The following RSRC1 variants were observed in gnomAD, a reference collection of about 807,000 sequenced individuals.
The protein encoded by RSRC1 is arginine and serine rich coiled-coil 1, also known as serine/Arginine-related protein 53.
In RSRC1, 39 loss-of-function variants were observed where a neutral mutation model predicts 49.1. The ratio of observed to expected loss-of-function variants is 0.79; its 90% confidence interval spans 0.61 to 1.04. The LOEUF (loss-of-function observed/expected upper bound fraction) is 1.04. Among genes scored for constraint, RSRC1 ranks in the 50% least tolerant of loss-of-function variants. RSRC1 has a pLI of 0.00. For missense variants in RSRC1, 388 were observed against 402.4 expected, an observed-to-expected ratio of 0.96 and a Z score of 0.31; for synonymous variants, 143 against 130.8, an observed-to-expected ratio of 1.09 and a Z score of -0.63.
At chr3:158,113,612 C>A (rs1040556926) in intron 1 of RSRC1, among the ~76,000 whole-genome samples, 1 of 152,024 alleles carries the variant, frequency 6.6e-6, no homozygotes, top group Non-Finnish European at 1.5e-5. Flanking sequence ...CGTGATCCAC[C>A]CCCCTCAGCC....
chr3:158,132,239 G>T (rs1242728482), intron 3 of RSRC1: 12 of 359,112 alleles, frequency 3.3e-5, no homozygotes, highest in South Asian at 2.6e-4. Flanking sequence ...CCCTGCCTTG[G>T]CCTCACTAAG....
At chr3:158,423,667 C>G (rs1177577156) in intron 6 of RSRC1, among the ~76,000 whole-genome samples, 1 of 152,104 alleles carries the variant, frequency 6.6e-6, no homozygotes, top group African/African-American at 2.4e-5. Context: ...TTACCTTGGG[C>G]AGTATGGCCA....
chr3:158,459,968 T>C (rs1442390419), intron 6 of RSRC1, among the ~76,000 whole-genome samples: 1 of 151,938 alleles, frequency 6.6e-6, no homozygotes, highest in East Asian at 1.9e-4. Context: ...TTCTAAAGGA[T>C]GTGTTGATTT....
intron 3 of RSRC1, among the ~76,000 whole-genome samples, chr3:158,197,908 C>A (rs545272054): frequency 1.3e-5 from 2 of 152,148 alleles, no homozygotes; most frequent in Admixed American, 6.5e-5. Context: ...AGCTTTATTC[C>A]CACTATGTGG....
intron 7 of RSRC1, among the ~76,000 whole-genome samples, chr3:158,516,896 A>G (rs1443366040): frequency 1.3e-5 from 2 of 152,154 alleles, no homozygotes; most frequent in East Asian, 1.9e-4. Context: ...TGACTAGGAA[A>G]CGGAACTCCC....
intron 6 of RSRC1, among the ~76,000 whole-genome samples, chr3:158,408,183 A>T (rs982047635): frequency 6.6e-6 from 1 of 152,200 alleles, no homozygotes; most frequent in African/African-American, 2.4e-5. Flanking sequence ...CACCTTCCTC[A>T]GCTCGTTCAC....
At position 158,422,306 on chromosome 3, in the gene RSRC1, A is replaced by G. The variant is rs376171771; in HGVS notation, c.584-38629A>G. ...TGTTCTCATTGTTCAATTCCCACCT[A>G]TGAGTGAGAATATGCGGTGTTTGGT... is the stretch of plus-strand genomic sequence containing the variant. On this transcript the variant is annotated intron_variant, in intron 6 of 9. Transcript: ENST00000611884. 5.2e-4 allele frequency among the ~76,000 whole-genome samples: 76 copies of G among 144,990 alleles called. 6 individuals carry two copies. In the East Asian group the frequency reaches 6.1e-3, roughly 12 times the overall value.
chr3:158,451,769 A>T lies in RSRC1; in HGVS notation c.584-9166A>T, dbSNP rs1320150881. The stretch of plus-strand genomic sequence containing the variant: ...GAAGCATGGTAATATAACATATGGG[A>T]ATTAGAATTACATTAAATAGAACCA... On this transcript the variant is annotated intron_variant, in intron 6 of 9. Coordinates refer to ENST00000611884, the MANE Select transcript of RSRC1 (RefSeq NM_001271838.2). Among the ~76,000 whole-genome samples the T allele has an allele frequency of 2.0e-4, 30 of 152,064 alleles. 1 individual carries two copies. The highest frequency in any genetic ancestry group is 4.3e-4 in the Non-Finnish European group (29 of 67,952).
chr3:158,389,768 G>GT (rs1294096654), intron 6 of RSRC1, among the ~76,000 whole-genome samples: 1 of 152,112 alleles, frequency 6.6e-6, no homozygotes, highest in Admixed American at 6.5e-5. Flanking sequence ...ATGTGTATCT[G>GT]GTAGGGCATT....
intron 6 of RSRC1, among the ~76,000 whole-genome samples, chr3:158,419,115 A>G (rs1734903601): frequency 6.6e-6 from 1 of 152,002 alleles, no homozygotes; most frequent in Non-Finnish European, 1.5e-5. Context: ...TGTTATTACA[A>G]GTATATTTAA....
intron 7 of RSRC1, among the ~76,000 whole-genome samples, chr3:158,503,333 G>T (rs1739694183): frequency 6.6e-6 from 1 of 152,112 alleles, no homozygotes; most frequent in Non-Finnish European, 1.5e-5. Context: ...TAGCTTTGGT[G>T]GTTTCATGTT....
At chr3:158,397,988 G>A (rs1278478127) in intron 6 of RSRC1, among the ~76,000 whole-genome samples, 1 of 152,088 alleles carries the variant, frequency 6.6e-6, no homozygotes, top group Non-Finnish European at 1.5e-5. Flanking sequence ...CGTGAGGTTG[G>A]GATGGGATGC....
At position 158,472,788 on chromosome 3, in the gene RSRC1, A is replaced by G. The variant is rs1036527706; in HGVS notation, c.652+11785A>G. 2.6e-5 allele frequency among the ~76,000 whole-genome samples: 4 copies of G among 152,110 alleles called. No individual in the cohort carries two copies. The East Asian group carries it at 7.7e-4, about 29-fold the overall frequency. On this transcript the variant is annotated intron_variant, in intron 7 of 9. Transcript: ENST00000611884. Reference sequence around the variant, plus strand: ...TTGCAAAAATTTTCTCCCATTCTGTAGGTTGCCTGTTCACTCTGATGGTAG... The same window carrying G: ...TTGCAAAAATTTTCTCCCATTCTGTGGGTTGCCTGTTCACTCTGATGGTAG...
chr3:158,455,979 C>CAAAAAAAAAA lies in RSRC1; in HGVS notation c.584-4930_584-4921dup, dbSNP rs765828003. ...TGGGGGACAGAGCAAGACTCCATCT[C>CAAAAAAAAAA]AAAAAAAAAAAAAAAAAAAAAAAAA... On this transcript the variant is annotated intron_variant, in intron 6 of 9. Transcript: ENST00000611884. Among the ~76,000 whole-genome samples the CAAAAAAAAAA allele has an allele frequency of 4.4e-4, 25 of 56,516 alleles. 1 individual carries two copies. Among genetic ancestry groups the CAAAAAAAAAA allele is most frequent in the Admixed American group, 1.0e-3 (3 of 2,972 alleles). 37.1% of individuals were successfully genotyped at this position (56,516 alleles called of 152,430 possible).
At chr3:158,361,064 A>T (rs1195179385) in intron 6 of RSRC1, among the ~76,000 whole-genome samples, 1 of 152,128 alleles carries the variant, frequency 6.6e-6, no homozygotes, top group East Asian at 1.9e-4. Flanking sequence ...CTCCTCACCC[A>T]TGTGGCAGCT....
intron 3 of RSRC1, among the ~76,000 whole-genome samples, chr3:158,195,484 C>T (rs1286261702): frequency 6.6e-6 from 1 of 152,034 alleles, no homozygotes; most frequent in Non-Finnish European, 1.5e-5. Context: ...TTTTGCTGTG[C>T]AGAAGCTCTT....
At chr3:158,194,492 T>C (rs891687639) in intron 3 of RSRC1, among the ~76,000 whole-genome samples, 1 of 53,688 alleles carries the variant, frequency 1.9e-5, no homozygotes, top group Non-Finnish European at 5.2e-5. Context: ...TTTGAGATTC[T>C]TTTTTTTTTT....
intron 5 of RSRC1, among the ~76,000 whole-genome samples, chr3:158,328,029 G>C (rs1051410391): frequency 6.6e-6 from 1 of 152,098 alleles, no homozygotes; most frequent in African/African-American, 2.4e-5. Context: ...TTTAAAGTCT[G>C]TTTTATCAGA....
At chr3:158,340,667 G>A (rs73170316) in intron 5 of RSRC1, among the ~76,000 whole-genome samples, 18,252 of 152,258 alleles carry the variant, frequency 0.12, 1,366 homozygotes, top group Middle Eastern at 0.2. Context: ...CCAGTGTCGG[G>A]TATGTCTTTA....
Sources: allele counts gnomAD v4.1 joint callset (sites outside exome capture counted in the v4.1 genomes callset), GRCh38; gene constraint gnomAD v4.1.1; transcripts MANE v1.5; gene names NCBI Gene and HGNC (gene_info 2026-07-23, HGNC 2026-07-21).